PRDM16: variants seen among roughly 807,000 people sequenced by gnomAD.
The protein encoded by PRDM16 is histone-lysine N-methyltransferase PRDM16.
In PRDM16, 23 loss-of-function variants were observed where a neutral mutation model predicts 110.6. The ratio of observed to expected loss-of-function variants is 0.21; its 90% CI spans 0.15 to 0.29. PRDM16 has a LOEUF of 0.29. Ranked by LOEUF, PRDM16 falls within the 10% of genes least tolerant of loss-of-function variation. The pLI is 1.00. For synonymous variants in PRDM16, 799 were observed against 781.8 expected (o/e 1.02, Z -0.37); for missense variants, 1,615 against 1,794.3 (o/e 0.90, Z 1.81).
At chr1:3,404,686 C>G (rs1643529742) in intron 6 of PRDM16, 53 bp from the exon 7 acceptor site, 1 of 1,605,200 alleles carries the variant, frequency 6.2e-7, no homozygotes, top group Non-Finnish European at 8.5e-7. Flanking sequence ...GGGTCCCCTC[C>G]CGGGCAGAGG....
intron 1 of PRDM16, among the ~76,000 whole-genome samples, chr1:3,109,398 G>A (rs972466132): frequency 4.6e-5 from 7 of 152,090 alleles, no homozygotes; most frequent in African/African-American, 7.2e-5. Context: ...ATCCTCATCC[G>A]TGGAGCCCGC....
intron 3 of PRDM16, among the ~76,000 whole-genome samples, chr1:3,310,974 T>A (rs113166499): frequency 0.089 from 13,589 of 151,934 alleles, 1,962 homozygotes; most frequent in African/African-American, 0.3. Flanking sequence ...TGTGTAGGCA[T>A]GTGTGTGCGT....
chr1:3,421,576 C>A (rs1381273763), intron 12 of PRDM16, among the ~76,000 whole-genome samples: 3 of 152,200 alleles, frequency 2.0e-5, no homozygotes, highest in East Asian at 1.9e-4. Context: ...TCTGTCTGGG[C>A]CATTTATTTA....
At position 3,339,825 on chromosome 1, in the gene PRDM16, G is replaced by T. The variant is rs1642236215; in HGVS notation, c.439-45327G>T. ...TCAGAGAGCCCCTGTCACTCAAAGG[G>T]AGGAAGAATCCACTCTGGCCAGGGC... On this transcript the variant is annotated intron_variant, in intron 3 of 16. Transcript: ENST00000270722. This position sits in a 1 kb window ranked among gnomAD's most constrained non-coding sequence, Gnocchi z 5.0. 6.6e-6 allele frequency among the ~76,000 whole-genome samples: 1 copy of T among 152,184 alleles called. No homozygotes were observed. Among genetic ancestry groups the T allele is most frequent in the Non-Finnish European group, 1.5e-5 (1 of 68,030 alleles).
At chr1:3,162,347 TCCCGC>T (rs1309528674) in intron 1 of PRDM16, among the ~76,000 whole-genome samples, 1 of 152,074 alleles carries the variant, frequency 6.6e-6, no homozygotes, top group Non-Finnish European at 1.5e-5. Context: ...GCCTCCCTCC[TCCCGC>T]AGCCGCGAAG....
chr1:3,145,724 G>A (rs760922975), intron 1 of PRDM16, among the ~76,000 whole-genome samples: 3 of 152,204 alleles, frequency 2.0e-5, no homozygotes, highest in Non-Finnish European at 4.4e-5. Context: ...TGTAGAAAGC[G>A]CTCTGGCTGG....
chr1:3,109,083 AAAT>A (rs61356047), intron 1 of PRDM16, among the ~76,000 whole-genome samples: 4,100 of 145,332 alleles, frequency 0.028, 65 homozygotes, highest in African/African-American at 0.053. Flanking sequence ...CTCCATCTCA[AAAT>A]AATAATAATA....
intron 14 of PRDM16, 98 bp downstream of exon 14, chr1:3,426,323 C>T: frequency 1.0e-6 from 1 of 998,976 alleles, no homozygotes; most frequent in Non-Finnish European, 1.5e-6. Flanking sequence ...AGCACCAGCC[C>T]CTAACACATC....
intron 1 of PRDM16, among the ~76,000 whole-genome samples, chr1:3,124,668 A>G (rs1199148079): frequency 1.3e-5 from 2 of 152,182 alleles, no homozygotes; most frequent in Non-Finnish European, 2.9e-5. Flanking sequence ...GGAAGGAAGA[A>G]TGAGGGCCGG....
At chr1:3,280,563 C>CAGG (rs1403623066) in intron 3 of PRDM16, among the ~76,000 whole-genome samples, 40 of 152,332 alleles carry the variant, frequency 2.6e-4, no homozygotes, top group African/African-American at 9.4e-4. Flanking sequence ...CTTCCATCGC[C>CAGG]TCCCTCGACT....
intron 1 of PRDM16, among the ~76,000 whole-genome samples, chr1:3,097,937 C>T (rs1328368253): frequency 5.3e-5 from 8 of 152,260 alleles, no homozygotes; most frequent in South Asian, 2.1e-4. Flanking sequence ...TGTCCCCACC[C>T]GTCCCCTCTT....
chr1:3,350,032 A>G lies in PRDM16; in HGVS notation c.439-35120A>G, dbSNP rs945560598. On this transcript the variant is annotated intron_variant, in intron 3 of 16. Transcript: ENST00000270722. The surrounding 1 kb of genome is among the most constrained non-coding windows in gnomAD (Gnocchi z 7.1). ...CCTGACTCCTGTCTTTGAGGGGGGA[A>G]GAGGACAGGGCAGAAAAGACCTGGG... 6.6e-6 allele frequency among the ~76,000 whole-genome samples: 1 copy of G among 152,190 alleles called. No individual in the cohort carries two copies. Among genetic ancestry groups the G allele is most frequent in the Non-Finnish European group, 1.5e-5 (1 of 68,036 alleles).
intron 3 of PRDM16, among the ~76,000 whole-genome samples, chr1:3,349,861 G>A (rs771581006): frequency 2.5e-4 from 38 of 152,320 alleles, no homozygotes; most frequent in Admixed American, 6.5e-4. Flanking sequence ...CGCAGCCCCC[G>A]CAGCCTCCAA....
At chr1:3,140,579 C>G (rs1207274625) in intron 1 of PRDM16, among the ~76,000 whole-genome samples, 1 of 152,208 alleles carries the variant, frequency 6.6e-6, no homozygotes, top group Non-Finnish European at 1.5e-5. Context: ...AACTCAGGAG[C>G]AATTCATTAA....
intron 3 of PRDM16, among the ~76,000 whole-genome samples, chr1:3,285,677 G>A (rs1440966681): frequency 6.6e-6 from 1 of 152,154 alleles, no homozygotes. Context: ...GTCCCTGGAC[G>A]GCCAAGGTCA....
chr1:3,288,299 G>A (rs1557583850), intron 3 of PRDM16, among the ~76,000 whole-genome samples: 2 of 152,174 alleles, frequency 1.3e-5, no homozygotes, highest in African/African-American at 2.4e-5. Flanking sequence ...GTCCCTGGGT[G>A]TCCTGTGTGG....
At chr1:3,380,771 G>C (rs1014234293) in intron 3 of PRDM16, among the ~76,000 whole-genome samples, 4 of 152,230 alleles carry the variant, frequency 2.6e-5, no homozygotes, top group Non-Finnish European at 4.4e-5. Flanking sequence ...TGCAAGGTGA[G>C]GGGGGCATTA....
chr1:3,294,668 C>A (rs1440649542), intron 3 of PRDM16, among the ~76,000 whole-genome samples: 3 of 152,144 alleles, frequency 2.0e-5, no homozygotes, highest in African/African-American at 7.2e-5. Context: ...CATCCTCTGT[C>A]CCCCAGGCCT....
At chr1:3,155,314 A>C (rs1248774244) in intron 1 of PRDM16, among the ~76,000 whole-genome samples, 1 of 152,170 alleles carries the variant, frequency 6.6e-6, no homozygotes, top group Non-Finnish European at 1.5e-5. Context: ...GGGGAAAGAA[A>C]ATCCAGGCTG....
Sources: gnomAD v4.1 joint callset for allele counts (sites outside exome capture counted in the v4.1 genomes callset) on GRCh38, gnomAD v4.1.1 for gene constraint, Gnocchi (gnomAD v3.1) non-coding constraint, MANE v1.5 for transcripts, NCBI Gene and HGNC (gene_info 2026-07-23, HGNC 2026-07-21) for gene names.